The following FN1 variants were observed in gnomAD, a reference collection of about 807,000 sequenced individuals.
FN1 encodes fibronectin.
Under a neutral mutation model 297.3 loss-of-function variants are expected in FN1, and 106 were observed. The ratio of observed to expected loss-of-function variants is 0.36; its 90% CI spans 0.30 to 0.42. FN1 has a LOEUF of 0.42. Ranked by LOEUF, FN1 falls within the 10% of genes least tolerant of loss-of-function variation. The pLI, the probability that FN1 is intolerant of heterozygous loss-of-function variation, is 1.00. For synonymous variants in FN1, 1,149 were observed against 1,152.6 expected (o/e 1.00, Z 0.06); for missense variants, 2,690 against 3,124.9 (o/e 0.86, Z 3.32).
Position 215,391,689 on chromosome 2 carries a change from C to A in FN1, c.4195G>T (p.Glu1399Ter). 1 of 1,614,142 alleles carries A rather than the reference C, an allele frequency of 6.2e-7. No homozygotes were observed. Among genetic ancestry groups the A allele is most frequent in the Non-Finnish European group, 8.5e-7 (1 of 1,180,012 alleles). The change falls in exon 26 of 46, where the codon GAG (glutamate) becomes TAG (stop). Residue 1399 changes from glutamate to a stop codon, truncating the protein, a stop_gained. Transcript: ENST00000354785. LOFTEE classifies it high-confidence loss of function. ...FLVRYSPVKN[E>*]EDVAELSISP... The stretch of plus-strand genomic sequence containing the variant: ...ATTGACAACTCTGCAACATCTTCCT[C>A]ATTTTTCACAGGTGAGTAACGCACC...
chr2:215,392,374 G>C, intron 25 of FN1: 1 of 184,044 alleles, frequency 5.4e-6, no homozygotes, highest in Non-Finnish European at 1.1e-5. Flanking sequence ...CCAGACTGTG[G>C]TTAAAGAGGT....
Position 215,378,163 on chromosome 2 carries a change from TTTG to T in FN1, c.5710+9_5710+11del. ...AGAAGGTTTGTCCATATGAAGACATTTTGTTACTTACTCTCCAGAGTGGTGACA... is the reference window on the plus strand; with the variant it reads ...AGAAGGTTTGTCCATATGAAGACATTTTACTTACTCTCCAGAGTGGTGACA... On this transcript the variant is annotated intron_variant, in intron 35 of 45. Transcript: ENST00000354785. The T allele has an allele frequency of 6.6e-7, 1 of 1,514,184 alleles. No individual in the cohort carries two copies. The allele number at this position is 1,514,184 out of a possible 1,614,324, so 93.8% of individuals were successfully genotyped here. A position where few individuals can be genotyped will look rare whatever the true frequency, so the allele number is the denominator to read the frequency against.
Position 215,434,694 on chromosome 2 carries a change from A to C in FN1, c.277+2T>G. On this transcript the variant is annotated splice_donor_variant, in intron 2 of 45. Transcript: ENST00000354785. LOFTEE classifies it high-confidence loss of function. ...CTAACTATGGGGCTTGTTGTCACTT[A>C]CCTTCAGGTTTACTCTCGCAGTTAA... 1 of 1,614,174 alleles carries C rather than the reference A, an allele frequency of 6.2e-7. No individual in the cohort carries two copies. The highest frequency in any genetic ancestry group is 1.1e-5 in the South Asian group (1 of 91,068).
At chr2:215,370,734 G>A (rs941703737) in intron 40 of FN1, among the ~76,000 whole-genome samples, 2 of 151,968 alleles carry the variant, frequency 1.3e-5, no homozygotes, top group African/African-American at 4.8e-5. Flanking sequence ...TGCTTCAGTC[G>A]CAGGTCTGCA....
chr2:215,418,149 T>C (rs958460521), intron 12 of FN1, among the ~76,000 whole-genome samples: 2 of 152,328 alleles, frequency 1.3e-5, no homozygotes, highest in South Asian at 2.1e-4. Context: ...ATCTGTGCTA[T>C]AAGCCTTCAA....
rs1392223010 is a variant in FN1, at chr2:215,367,900, T to C, written c.6981A>G (p.Leu2327=). The part of the protein sequence containing the change: ...ESGFKLLCQC[L]GFGSGHFRCD... ...ATCTGAAATGACCACTTCCAAAGCC[T>C]AAGCACTGGCACAACAGTTTAAAGC... Residue 2327 remains leucine (L), a synonymous_variant, in exon 42 of 46, where the codon TTA becomes TTG. Transcript: ENST00000354785. 15 of 1,614,082 alleles carry C rather than the reference T, an allele frequency of 9.3e-6. No homozygotes were observed. Among genetic ancestry groups the C allele is most frequent in the Non-Finnish European group, 1.3e-5 (15 of 1,179,976 alleles).
intron 28 of FN1, among the ~76,000 whole-genome samples, chr2:215,385,248 T>TAAAAAAA (rs10542238): frequency 1.6e-5 from 2 of 128,114 alleles, no homozygotes; most frequent in Non-Finnish European, 1.6e-5. Flanking sequence ...ACAGAAAAGT[T>TAAAAAAA]AAAAAAAAAA....
intron 5 of FN1, among the ~76,000 whole-genome samples, chr2:215,430,394 TTTTTAA>T (rs1210333028): frequency 6.6e-6 from 1 of 152,220 alleles, no homozygotes; most frequent in Admixed American, 6.5e-5. Context: ...GGATAAATTC[TTTTTAA>T]TTTTATCAAT....
At chr2:215,434,598 GA>G in intron 2 of FN1, 97 bp downstream of exon 2, 1 of 1,385,438 alleles carries the variant, frequency 7.2e-7, no homozygotes, top group Non-Finnish European at 1.0e-6. Context: ...AATTCTATTA[GA>G]AAAATGGTGT....
At chr2:215,419,740 G>GA (rs968466111) in intron 11 of FN1, among the ~76,000 whole-genome samples, 2 of 152,018 alleles carry the variant, frequency 1.3e-5, no homozygotes, top group Admixed American at 6.6e-5. Context: ...TAAATAGCAA[G>GA]AAAAAAATCT....
intron 31 of FN1, 41 bp from the exon 32 acceptor site, chr2:215,382,366 C>G: frequency 7.5e-7 from 1 of 1,327,044 alleles, no homozygotes; most frequent in Non-Finnish European, 1.1e-6. Context: ...TCCACGTCAT[C>G]CACTATAAAG....
At chr2:215,384,271 G>A in intron 29 of FN1, 87 bp from the exon 30 acceptor site, 1 of 1,285,624 alleles carries the variant, frequency 7.8e-7, no homozygotes, top group Non-Finnish European at 1.1e-6. Flanking sequence ...ATTTATAGCA[G>A]CATGTAAATC....
rs771493768 is a variant in FN1 at position 215,361,544 on chromosome 2, G to A, written c.*11C>T. On this transcript the variant is annotated 3_prime_UTR_variant, in exon 46 of 46. Transcript: ENST00000354785. ...AGAGACATGCTTGTTCCTCTGGATTGGAAAGATGATTTACTCTCGGGAATC... is the reference window on the plus strand; with the variant it reads ...AGAGACATGCTTGTTCCTCTGGATTAGAAAGATGATTTACTCTCGGGAATC... 2.5e-6 allele frequency: 4 copies of A among 1,583,368 alleles called. No homozygotes were observed. Among genetic ancestry groups the A allele is most frequent in the Non-Finnish European group, 3.5e-6 (4 of 1,152,194 alleles).
intron 26 of FN1, among the ~76,000 whole-genome samples, chr2:215,388,584 A>C (rs893033905): frequency 6.6e-6 from 1 of 152,206 alleles, no homozygotes. Flanking sequence ...TTGCTGCAAC[A>C]GCTGGATATT....
Position 215,361,498 on chromosome 2 carries a change from AGTTTAGATG to A in FN1, c.*48_*56del. 1.6e-6 allele frequency: 2 copies of A among 1,224,126 alleles called. No individual in the cohort carries two copies. Among genetic ancestry groups the A allele is most frequent in the Non-Finnish European group, 2.4e-6 (2 of 823,196 alleles). The allele number at this position is 1,224,126 out of a possible 1,614,324, so 75.8% of individuals were successfully genotyped here. A position where few individuals can be genotyped will look rare whatever the true frequency, so the allele number is the denominator to read the frequency against. Reference sequence around the variant, plus strand: ...AAGCTGGGTCTGCTAACATCACTCCAGTTTAGATGGATCTTGGCAGAGAGACATGCTTGT... The same window carrying A: ...AAGCTGGGTCTGCTAACATCACTCCAGATCTTGGCAGAGAGACATGCTTGT... On this transcript the variant is annotated 3_prime_UTR_variant, in exon 46 of 46. Transcript: ENST00000354785.
chr2:215,392,090 A>G (rs1322458189), intron 25 of FN1: 2 of 418,966 alleles, frequency 4.8e-6, no homozygotes, highest in Non-Finnish European at 8.8e-6. Context: ...CTTTATGTAC[A>G]TTATTAATAC....
intron 25 of FN1, 130 bp downstream of exon 25, chr2:215,392,801 C>T: frequency 9.9e-7 from 1 of 1,009,608 alleles, no homozygotes; most frequent in East Asian, 2.4e-5. Context: ...CCTTATCCCC[C>T]CAATCCACCC....
At chr2:215,397,923 T>C in intron 21 of FN1, 75 bp from the exon 22 acceptor site, 1 of 1,312,664 alleles carries the variant, frequency 7.6e-7, no homozygotes, top group Non-Finnish European at 1.1e-6. Context: ...AGGCTATGAT[T>C]ATGCTTTAAA....
Position 215,384,096 on chromosome 2 carries a change from G to A in FN1, c.4818C>T (p.Thr1606=), listed in dbSNP as rs1033608254. The A allele has an allele frequency of 3.7e-6, 6 of 1,614,056 alleles. No homozygotes were observed. The highest frequency in any genetic ancestry group is 2.2e-5 in the East Asian group (1 of 44,868). ...GGCCAGTGACAGCATACACAGTGAT[G>A]GTATAATCAACTCCAGGTTTAAGGC... is the stretch of plus-strand genomic sequence containing the variant. ...ISGLKPGVDY[T]ITVYAVTGRG... is the part of the protein sequence containing the mutation. Residue 1606 remains threonine, a synonymous_variant, in exon 30 of 46, where the codon ACC becomes ACT. Coordinates refer to ENST00000354785, the MANE Select transcript of FN1 (RefSeq NM_212482.4).
Sources: gnomAD v4.1 joint callset for allele counts (sites outside exome capture counted in the v4.1 genomes callset) on GRCh38, gnomAD v4.1.1 for gene constraint, MANE v1.5 for transcripts, NCBI Gene and HGNC (gene_info 2026-07-23, HGNC 2026-07-21) for gene names.